Variants in CPS1 observed in about 807,000 individuals in gnomAD.
The protein encoded by CPS1 is carbamoyl-phosphate synthase [ammonia], mitochondrial.
A neutral mutation model predicts 174.6 loss-of-function variants in CPS1; 109 were observed. That is an observed-to-expected ratio of 0.62 (90% CI 0.53 to 0.73). The LOEUF (loss-of-function observed/expected upper bound fraction) is 0.73, where lower values mean the gene tolerates loss of function less well. Ranked by LOEUF, CPS1 falls within the 30% of genes least tolerant of loss-of-function variation. The probability of loss-of-function intolerance (pLI) is 0.00; values close to 1 mark genes in which losing one functional copy is unlikely to be tolerated. For missense variants in CPS1, 1,689 were observed against 1,821.9 expected (o/e 0.93, Z 1.33); for synonymous variants, 637 against 632.0 (o/e 1.01, Z -0.12).
chr2:210,578,427 TC>T (rs1697786343), intron 4 of CPS1, among the ~76,000 whole-genome samples: 1 of 152,126 alleles, frequency 6.6e-6, no homozygotes, highest in African/African-American at 2.4e-5. Flanking sequence ...AATATTAATT[TC>T]CAATGAAAAA....
At chr2:210,552,913 ATAT>A (rs1696768197), upstream of CPS1, among the ~76,000 whole-genome samples, 1 of 152,038 alleles carries the variant, frequency 6.6e-6, no homozygotes, top group South Asian at 2.1e-4. Context: ...AAGCAAAATA[ATAT>A]TTTCTACAGC....
At chr2:210,593,311 C>T (rs1273739009) in intron 11 of CPS1, 4 of 1,116,144 alleles carry the variant, frequency 3.6e-6, no homozygotes, top group Non-Finnish European at 4.5e-6. Context: ...ATTTTAATCC[C>T]CCATCTGTGA....
chr2:210,570,124 A>G (rs1211394885), intron 1 of CPS1, among the ~76,000 whole-genome samples: 1 of 151,936 alleles, frequency 6.6e-6, no homozygotes, highest in Non-Finnish European at 1.5e-5. Flanking sequence ...TTTTAAATGC[A>G]TCAGGGGCCA....
chr2:210,613,741 C>G (rs540060397), intron 20 of CPS1, among the ~76,000 whole-genome samples: 2 of 151,938 alleles, frequency 1.3e-5, no homozygotes, highest in Non-Finnish European at 2.9e-5. Flanking sequence ...TCTTTTCTAA[C>G]AGACTTATAA....
intron 22 of CPS1, 99 bp from the exon 23 acceptor site, chr2:210,639,051 A>G (rs1700125769): frequency 1.2e-6 from 1 of 844,786 alleles, no homozygotes; most frequent in Non-Finnish European, 2.0e-6. Flanking sequence ...TTACAGTAAT[A>G]GGAATTAAAG....
chr2:210,575,526 A>G (rs997465078), intron 2 of CPS1, among the ~76,000 whole-genome samples: 2 of 151,132 alleles, frequency 1.3e-5, no homozygotes, highest in African/African-American at 2.4e-5. Context: ...GCACACACAC[A>G]CACACACACA....
intron 2 of CPS1, among the ~76,000 whole-genome samples, chr2:210,574,630 A>G (rs1313224717): frequency 1.3e-5 from 2 of 152,100 alleles, no homozygotes; most frequent in Non-Finnish European, 2.9e-5. Context: ...ACTGTTTAAT[A>G]TAGATCAGCA....
chr2:210,551,590 G>C (rs1356046962), intron 1 of CPS1, among the ~76,000 whole-genome samples: 2 of 151,736 alleles, frequency 1.3e-5, no homozygotes, highest in African/African-American at 4.8e-5. Context: ...TGTTATTCTA[G>C]AATAAATCAC....
chr2:210,676,742 A>G (rs1196066351), intron 36 of CPS1, among the ~76,000 whole-genome samples: 1 of 152,168 alleles, frequency 6.6e-6, no homozygotes, highest in Non-Finnish European at 1.5e-5. Flanking sequence ...CAAATTACCA[A>G]TTCTTAATGA....
chr2:210,650,332 T>C (rs758420676), intron 27 of CPS1, 31 bp from the exon 28 acceptor site: 2 of 1,577,824 alleles, frequency 1.3e-6, no homozygotes, highest in East Asian at 4.5e-5. Context: ...AGCATAAACC[T>C]GACCTGCTTT....
At chr2:210,616,603 T>G in intron 21 of CPS1, 62 bp downstream of exon 21, 1 of 980,408 alleles carries the variant, frequency 1.0e-6, no homozygotes, top group Non-Finnish European at 1.7e-6. Flanking sequence ...AAGAGTCTTC[T>G]TCCTACTCTT....
At chr2:210,522,614 C>A (rs568314550) in intron 1 of CPS1, among the ~76,000 whole-genome samples, 20 of 151,984 alleles carry the variant, frequency 1.3e-4, no homozygotes, top group Non-Finnish European at 2.2e-4. Flanking sequence ...GATTGGCTAC[C>A]AAGGAACATC....
intron 2 of CPS1, among the ~76,000 whole-genome samples, chr2:210,574,422 A>C (rs988989514): frequency 2.6e-5 from 4 of 152,166 alleles, no homozygotes; most frequent in African/African-American, 9.6e-5. Flanking sequence ...TTATATTATT[A>C]ATTTATATTC....
intron 1 of CPS1, among the ~76,000 whole-genome samples, chr2:210,533,274 T>A (rs974975356): frequency 6.6e-6 from 1 of 152,104 alleles, no homozygotes; most frequent in African/African-American, 2.4e-5. Context: ...AGAATTGAAA[T>A]CCCATGAATA....
intron 1 of CPS1, among the ~76,000 whole-genome samples, chr2:210,549,580 C>G (rs1574512202): frequency 6.6e-6 from 1 of 151,930 alleles, no homozygotes; most frequent in South Asian, 2.1e-4. Context: ...AGTAATTGTT[C>G]AGAACTTATA....
chr2:210,561,136 C>G (rs985026742), intron 1 of CPS1, among the ~76,000 whole-genome samples: 1 of 152,076 alleles, frequency 6.6e-6, no homozygotes, highest in East Asian at 1.9e-4. Context: ...CCAACAACGC[C>G]TTGACATTAT....
intron 1 of CPS1, among the ~76,000 whole-genome samples, chr2:210,503,316 C>G (rs757061763): frequency 1.3e-5 from 2 of 152,166 alleles, no homozygotes; most frequent in Non-Finnish European, 2.9e-5. Flanking sequence ...ATTTTAGCTC[C>G]TTTCCCAAAG....
chr2:210,620,354 C>A (rs748148178), intron 21 of CPS1, among the ~76,000 whole-genome samples: 1 of 151,984 alleles, frequency 6.6e-6, no homozygotes, highest in African/African-American at 2.4e-5. Flanking sequence ...AATCAGAAAC[C>A]CTTCTCTTTG....
chr2:210,646,866 G>A (rs1046596337), intron 25 of CPS1, among the ~76,000 whole-genome samples: 6 of 151,776 alleles, frequency 4.0e-5, no homozygotes, highest in South Asian at 2.1e-4. Flanking sequence ...TTTCCTCACC[G>A]TCTCACGCTG....
Sources: gnomAD v4.1 joint callset for allele counts (sites outside exome capture counted in the v4.1 genomes callset) on GRCh38, gnomAD v4.1.1 for gene constraint, MANE v1.5 for transcripts, NCBI Gene and HGNC (gene_info 2026-07-23, HGNC 2026-07-21) for gene names.